The following ROBO1 variants were observed in gnomAD, a reference collection of about 807,000 sequenced individuals.
The protein encoded by ROBO1 is roundabout guidance receptor 1.
A neutral mutation model predicts 195.9 loss-of-function variants in ROBO1; 149 were observed. The observed-to-expected ratio is 0.76, with a 90% CI of 0.67 to 0.87. The LOEUF is 0.87. Among genes scored for constraint, ROBO1 ranks in the 40% least tolerant of loss-of-function variants. ROBO1 has a pLI of 0.00. For missense variants in ROBO1, 1,933 were observed against 2,068.3 expected, an observed-to-expected ratio of 0.93 and a Z score of 1.27; for synonymous variants, 816 against 733.2, an observed-to-expected ratio of 1.11 and a Z score of -1.82.
intron 2 of ROBO1, among the ~76,000 whole-genome samples, chr3:79,400,380 A>G (rs2037321225): frequency 6.6e-6 from 1 of 152,084 alleles, no homozygotes; most frequent in South Asian, 2.1e-4. Context: ...TTTGGCAGAT[A>G]CATGACAAAT....
At chr3:79,505,699 C>T (rs1321444080) in intron 2 of ROBO1, among the ~76,000 whole-genome samples, 1 of 152,154 alleles carries the variant, frequency 6.6e-6, no homozygotes, top group African/African-American at 2.4e-5. Flanking sequence ...AGATGAAGAG[C>T]AAACGTAGAT....
At chr3:78,972,229 T>G (rs978975795) in intron 3 of ROBO1, among the ~76,000 whole-genome samples, 8 of 152,178 alleles carry the variant, frequency 5.3e-5, no homozygotes, top group Non-Finnish European at 1.2e-4. Context: ...AACAAAGGGC[T>G]TAGTTTGAGT....
chr3:79,636,859 TA>T (rs1194203906), intron 1 of ROBO1, among the ~76,000 whole-genome samples: 1 of 152,186 alleles, frequency 6.6e-6, no homozygotes, highest in Non-Finnish European at 1.5e-5. Flanking sequence ...AGCTGTATAA[TA>T]AAAAGCCGAA....
intron 4 of ROBO1, among the ~76,000 whole-genome samples, chr3:78,884,599 A>C: frequency 7.3e-6 from 1 of 137,098 alleles, no homozygotes; most frequent in Admixed American, 7.2e-5. Context: ...GAAAGAAAGA[A>C]AGAGAGAAAG....
intron 4 of ROBO1, 101 bp downstream of exon 4, chr3:78,938,500 T>A (rs914544511): frequency 2.2e-6 from 2 of 924,960 alleles, no homozygotes; most frequent in Admixed American, 5.6e-5. Flanking sequence ...TATCCTCAGG[T>A]AAGGCCTGAG....
chr3:78,646,021 C>T (rs1457891349), intron 21 of ROBO1, 127 bp downstream of exon 21: 3 of 789,108 alleles, frequency 3.8e-6, no homozygotes, highest in South Asian at 1.7e-5. Context: ...ATGGAGTCTT[C>T]GTCAAGGAAC....
chr3:78,837,658 G>A (rs1008401465), intron 4 of ROBO1, among the ~76,000 whole-genome samples: 2 of 151,726 alleles, frequency 1.3e-5, no homozygotes, highest in Non-Finnish European at 2.9e-5. Context: ...AAAATCCATG[G>A]GAATATATAA....
At chr3:78,961,403 A>G (rs2041340865) in intron 3 of ROBO1, among the ~76,000 whole-genome samples, 1 of 152,208 alleles carries the variant, frequency 6.6e-6, no homozygotes, top group Admixed American at 6.5e-5. Flanking sequence ...TGTGTTTAAG[A>G]ATAGTAAGAA....
intron 1 of ROBO1, among the ~76,000 whole-genome samples, chr3:79,610,383 CCT>C (rs989381132): frequency 8.1e-5 from 12 of 148,724 alleles, no homozygotes; most frequent in Non-Finnish European, 1.3e-4. Context: ...TTTCTCTCTC[CCT>C]CTCTCTCTCA....
At chr3:79,206,682 T>C (rs114176822) in intron 2 of ROBO1, among the ~76,000 whole-genome samples, 2,477 of 152,240 alleles carry the variant, frequency 0.016, 49 homozygotes, top group African/African-American at 0.053. Context: ...CAGAAAATTT[T>C]AAAATATATC....
chr3:79,014,032 TA>T (rs540005647), intron 3 of ROBO1, among the ~76,000 whole-genome samples: 188 of 151,606 alleles, frequency 1.2e-3, no homozygotes, highest in African/African-American at 4.1e-3. Context: ...ATATGTAGCT[TA>T]AAAAAAAACT....
Position 78,907,081 on chromosome 3 carries a change from C to G in ROBO1, c.499+31520G>C, listed in dbSNP as rs571382185. On this transcript the variant is annotated intron_variant, in intron 4 of 30. Transcript: ENST00000464233. ...TCATATAATTTGGATTTTCTCCTTT[C>G]ATACTACACTAACACTCAACATGTG... Among the ~76,000 whole-genome samples, 4 of 152,128 alleles carry G rather than the reference C, an allele frequency of 2.6e-5. No individual in the cohort carries two copies. The South Asian group carries it at 8.3e-4, about 32-fold the overall frequency.
intron 1 of ROBO1, among the ~76,000 whole-genome samples, chr3:79,755,791 A>T (rs1847152): frequency 0.38 from 58,374 of 152,088 alleles, 11,461 homozygotes; most frequent in East Asian, 0.44. Flanking sequence ...AAGGGAGCAG[A>T]TGCTCCATAA....
chr3:78,923,660 C>T (rs979404202), intron 4 of ROBO1, among the ~76,000 whole-genome samples: 2 of 152,102 alleles, frequency 1.3e-5, no homozygotes, highest in African/African-American at 4.8e-5. Flanking sequence ...TTACTCCTTC[C>T]TCAAGCCACC....
chr3:79,607,617 TA>T lies in ROBO1; in HGVS notation c.-50-17657del, dbSNP rs1944530676. Among the ~76,000 whole-genome samples, 12 of 151,728 alleles carry T rather than the reference TA, an allele frequency of 7.9e-5. No individual in the cohort carries two copies. The East Asian group carries it at 2.1e-3, about 27-fold the overall frequency. On this transcript the variant is annotated intron_variant, in intron 1 of 30. Coordinates refer to ENST00000464233, the MANE Select transcript of ROBO1 (RefSeq NM_002941.4). ...GTATTTCCAAGTTTTTTTTTTTTCT[TA>T]CTGGGCAATGGATTCAGCTGCATCC...
intron 2 of ROBO1, among the ~76,000 whole-genome samples, chr3:79,152,838 A>T (rs2080796600): frequency 6.6e-6 from 1 of 151,824 alleles, no homozygotes; most frequent in Non-Finnish European, 1.5e-5. Flanking sequence ...ATTTAAGCTG[A>T]AATCTGAGAA....
rs934402536 is a variant in ROBO1 at position 78,661,230 on chromosome 3, T to C, written c.2120A>G (p.Tyr707Cys). Residue 707 changes from tyrosine (Y) to cysteine (C), a missense_variant, in exon 16 of 31, where the codon TAT (tyrosine) becomes TGT (cysteine). This residue lies in a region of ROBO1 where 1,737 missense variants were observed against 1,882.5 expected (regional missense o/e 0.92). Transcript: ENST00000464233. ...VDQQSQYIQG[Y>C]KILYRPSGAN... is the part of the protein sequence containing the mutation. ...TCCAGATGGCCGATAGAGAATTTTA[T>C]ATCCTTGTATATACTGAGACTGTTG... 1.2e-6 allele frequency: 2 copies of C among 1,609,884 alleles called. No individual in the cohort carries two copies. Among genetic ancestry groups the C allele is most frequent in the African/African-American group, 1.3e-5 (1 of 74,754 alleles).
intron 3 of ROBO1, among the ~76,000 whole-genome samples, chr3:78,961,343 A>C (rs2107835369): frequency 6.6e-6 from 1 of 152,340 alleles, no homozygotes. Context: ...ACCTTGTATA[A>C]CCCACAGAAT....
rs563451172 is a variant in ROBO1, at chr3:79,224,741, C to T, written c.89-99202G>A. 2.0e-5 allele frequency among the ~76,000 whole-genome samples: 3 copies of T among 152,282 alleles called. No homozygotes were observed. The East Asian group carries it at 5.8e-4, about 29-fold the overall frequency. ...CTATTAATTTACATGTGTATGAACT[C>T]GTTCATTTAGCAATTATTTGTTGAA... On this transcript the variant is annotated intron_variant, in intron 2 of 30. Transcript: ENST00000464233.
Sources: allele counts gnomAD v4.1 joint callset (sites outside exome capture counted in the v4.1 genomes callset), GRCh38; gene constraint gnomAD v4.1.1; regional missense constraint gnomAD v4.1.1; transcripts MANE v1.5; gene names NCBI Gene and HGNC (gene_info 2026-07-23, HGNC 2026-07-21).